The following LARP1B variants were observed in gnomAD, a reference collection of about 807,000 sequenced individuals.
LARP1B encodes La ribonucleoprotein 1B, also known as la-related protein 1B.
In LARP1B, 76 loss-of-function variants were observed where a neutral mutation model predicts 114.2. The observed-to-expected ratio is 0.67, with a 90% CI of 0.55 to 0.81. The LOEUF is 0.81. Among genes scored for constraint, LARP1B ranks in the 30% least tolerant of loss-of-function variants. LARP1B has a pLI of 0.00. For missense variants in LARP1B, 1,014 were observed against 1,075.8 expected, an observed-to-expected ratio of 0.94 and a Z score of 0.80; for synonymous variants, 345 against 348.0, an observed-to-expected ratio of 0.99 and a Z score of 0.10.
At chr4:128,067,524 A>G (rs1487555482) in intron 1 of LARP1B, among the ~76,000 whole-genome samples, 2 of 151,916 alleles carry the variant, frequency 1.3e-5, no homozygotes, top group East Asian at 3.9e-4. Flanking sequence ...CTTGTGAGAA[A>G]TTTTCTTCCA....
rs1775771421 is a variant in LARP1B, at chr4:128,091,149, G to T, written c.502+5G>T. On this transcript the variant is annotated splice_donor_5th_base_variant and intron_variant, in intron 6 of 19. Coordinates refer to ENST00000326639, the MANE Select transcript of LARP1B (RefSeq NM_018078.4). ...GAGGCAGAGGAAATCCTCGATGTAT[G>T]ACATAATTTTTGTTTCGTTAAATTA... 1 of 1,606,920 alleles carries T rather than the reference G, an allele frequency of 6.2e-7. No homozygotes were observed. The highest frequency in any genetic ancestry group is 1.3e-5 in the African/African-American group (1 of 74,456).
At chr4:128,113,436 G>T (rs1430117329) in intron 9 of LARP1B, among the ~76,000 whole-genome samples, 1 of 150,882 alleles carries the variant, frequency 6.6e-6, no homozygotes, top group Non-Finnish European at 1.5e-5. Flanking sequence ...CTGCCTTGCG[G>T]ATTCAAGCAA....
At chr4:128,219,674 T>G in intron 6 of LARP1B, among the ~76,000 whole-genome samples, 1 of 129,500 alleles carries the variant, frequency 7.7e-6, no homozygotes, top group South Asian at 2.8e-4. Context: ...AGGGATAGCA[T>G]TGGGAGATAT....
intron 11 of LARP1B, among the ~76,000 whole-genome samples, chr4:128,150,808 G>C (rs555078446): frequency 1.3e-5 from 2 of 152,270 alleles, no homozygotes; most frequent in South Asian, 4.1e-4. Flanking sequence ...CCTACCATCA[G>C]ACTGTAATTC....
chr4:128,111,240 G>T (rs1258852108), intron 9 of LARP1B, among the ~76,000 whole-genome samples: 1 of 151,902 alleles, frequency 6.6e-6, no homozygotes, highest in African/African-American at 2.4e-5. Context: ...TAGAGACGGG[G>T]TTTCACCATG....
intron 19 of LARP1B, among the ~76,000 whole-genome samples, chr4:128,208,327 CAA>C (rs113495376): frequency 4.6e-4 from 26 of 56,486 alleles, no homozygotes; most frequent in Admixed American, 4.0e-4. Context: ...GACTCTGTCT[CAA>C]AAAAAAAAAA....
Position 128,211,303 on chromosome 4 carries a change from A to C in LARP1B, c.*1250A>C. On this transcript the variant is annotated 3_prime_UTR_variant, in exon 20 of 20. Transcript: ENST00000326639. ...TTTACAGATATTTTGTTGTATTGGC[A>C]AAAGCAAGTGGTTTCCATATGCTAA... 1.0e-6 allele frequency: 1 copy of C among 971,100 alleles called. No homozygotes were observed. Among genetic ancestry groups the C allele is most frequent in the Non-Finnish European group, 1.2e-6 (1 of 816,848 alleles). 60.2% of individuals were successfully genotyped at this position (971,100 alleles called of 1,614,324 possible). A position where few individuals can be genotyped will look rare whatever the true frequency, so the allele number is the denominator to read the frequency against.
At chr4:128,062,164 C>T (rs1760393121) in intron 1 of LARP1B, 3 of 985,402 alleles carry the variant, frequency 3.0e-6, no homozygotes, top group Non-Finnish European at 2.4e-6. Flanking sequence ...CTCCCCAGCA[C>T]CTGTCCCCAG....
intron 11 of LARP1B, among the ~76,000 whole-genome samples, chr4:128,136,255 C>A (rs992092023): frequency 3.3e-5 from 5 of 150,900 alleles, no homozygotes; most frequent in African/African-American, 7.3e-5. Context: ...ATTGCGCCAT[C>A]GTACTTCAGT....
intron 6 of LARP1B, among the ~76,000 whole-genome samples, chr4:128,220,027 A>G (rs1759882729): frequency 6.6e-6 from 1 of 152,136 alleles, no homozygotes; most frequent in African/African-American, 2.4e-5. Context: ...CTGGGATTAC[A>G]GGCATGTGCC....
chr4:128,153,619 A>G (rs1369775959), intron 11 of LARP1B, among the ~76,000 whole-genome samples: 2 of 152,130 alleles, frequency 1.3e-5, no homozygotes, highest in African/African-American at 2.4e-5. Context: ...GCCTTTTAAA[A>G]TGTGGTCTTC....
At chr4:128,180,253 G>C (rs190846493) in intron 15 of LARP1B, among the ~76,000 whole-genome samples, 52 of 152,142 alleles carry the variant, frequency 3.4e-4, no homozygotes, top group African/African-American at 1.2e-3. Flanking sequence ...CACCCAGCCT[G>C]TGTTTCTTAA....
At chr4:128,192,416 T>C (rs576583089) in intron 15 of LARP1B, among the ~76,000 whole-genome samples, 1 of 152,324 alleles carries the variant, frequency 6.6e-6, no homozygotes, top group African/African-American at 2.4e-5. Context: ...ATATCATAAG[T>C]TGAAAATGCA....
In LARP1B at chr4:128,207,304, A is replaced by G. The variant is rs1334472675; in HGVS notation, c.2468A>G (p.Gln823Arg). ...TTTTGGGCTTATTTGAAATATTCTCAATCTAAGACACAGTCTATTGACCCA... is the reference window on the plus strand; with the variant it reads ...TTTTGGGCTTATTTGAAATATTCTCGATCTAAGACACAGTCTATTGACCCA... ...EKFWAYLKYS[Q>R]SKTQSIDPKL... is the part of the protein sequence containing the mutation. The change falls in exon 19 of 20, where the codon CAA (glutamine) becomes CGA (arginine). Residue 823 changes from glutamine to arginine, a missense_variant. Transcript: ENST00000326639. 3.2e-6 allele frequency: 5 copies of G among 1,541,752 alleles called. No individual in the cohort carries two copies. The South Asian group carries it at 5.1e-5, about 16-fold the overall frequency.
chr4:128,109,767 C>G (rs1344898558), intron 9 of LARP1B, among the ~76,000 whole-genome samples: 3 of 150,750 alleles, frequency 2.0e-5, no homozygotes. Flanking sequence ...TAAAAAGTGC[C>G]ACACATAAAA....
chr4:128,205,630 A>T (rs1757367977), intron 17 of LARP1B, among the ~76,000 whole-genome samples: 2 of 152,198 alleles, frequency 1.3e-5, no homozygotes, highest in Admixed American at 6.5e-5. Context: ...CCATTTAATT[A>T]TGTTTGTACC....
At chr4:128,062,021 C>CCGCCGT (rs1434902305) in intron 1 of LARP1B, 408 of 985,014 alleles carry the variant, frequency 4.1e-4, no homozygotes, top group Non-Finnish European at 4.6e-4. Flanking sequence ...GCCACCGCCG[C>CCGCCGT]CGCCGTCGCC....
At chr4:128,185,319 C>G (rs968499511) in intron 15 of LARP1B, among the ~76,000 whole-genome samples, 18 of 152,270 alleles carry the variant, frequency 1.2e-4, no homozygotes, top group African/African-American at 3.1e-4. Context: ...TCTCCTTTCT[C>G]TGCATCCTTG....
chr4:128,130,297 T>A (rs1431943646), intron 11 of LARP1B, among the ~76,000 whole-genome samples: 1 of 151,996 alleles, frequency 6.6e-6, no homozygotes, highest in African/African-American at 2.4e-5. Context: ...CTATTAAGAC[T>A]AAGAAAACAG....
Sources: allele counts gnomAD v4.1 joint callset (sites outside exome capture counted in the v4.1 genomes callset), GRCh38; gene constraint gnomAD v4.1.1; transcripts MANE v1.5; gene names NCBI Gene and HGNC (gene_info 2026-07-23, HGNC 2026-07-21).